Variants in FAM149B1 observed in about 807,000 individuals in gnomAD.
FAM149B1 encodes the protein family with sequence similarity 149 member B1.
In FAM149B1, 56 loss-of-function variants were observed where a neutral mutation model predicts 75.3. The ratio of observed to expected loss-of-function variants is 0.74; its 90% CI spans 0.60 to 0.93. The LOEUF is 0.93. Ranked by LOEUF, FAM149B1 falls within the 40% of genes least tolerant of loss-of-function variation. The pLI, the probability that FAM149B1 is intolerant of heterozygous loss-of-function variation, is 0.00. For missense variants in FAM149B1, 639 were observed against 708.4 expected, an observed-to-expected ratio of 0.90 and a Z score of 1.11; for synonymous variants, 259 against 256.1, an observed-to-expected ratio of 1.01 and a Z score of -0.11.
At chr10:73,170,041 T>C (rs1387244363) in intron 1 of FAM149B1, among the ~76,000 whole-genome samples, 1 of 136,336 alleles carries the variant, frequency 7.3e-6, no homozygotes. Context: ...TTATTAACTA[T>C]TTAATTTATT....
intron 12 of FAM149B1, among the ~76,000 whole-genome samples, chr10:73,238,214 G>A (rs1423765571): frequency 6.6e-6 from 1 of 152,120 alleles, no homozygotes. Context: ...AGGCATGGTG[G>A]TGCATGCCTG....
At chr10:73,226,540 G>A (rs1231932764) in intron 7 of FAM149B1, among the ~76,000 whole-genome samples, 1 of 152,090 alleles carries the variant, frequency 6.6e-6, no homozygotes, top group Non-Finnish European at 1.5e-5. Flanking sequence ...CACACGACCT[G>A]GGTTTGACCA....
intron 2 of FAM149B1, 40 bp downstream of exon 2, chr10:73,174,831 C>A: frequency 7.4e-7 from 1 of 1,359,120 alleles, no homozygotes; most frequent in Non-Finnish European, 1.0e-6. Context: ...ATTGCACTTG[C>A]TCATGGCAGA....
intron 2 of FAM149B1, among the ~76,000 whole-genome samples, chr10:73,177,217 T>C (rs1186906210): frequency 6.6e-6 from 1 of 151,364 alleles, no homozygotes; most frequent in Non-Finnish European, 1.5e-5. Context: ...AAATAAAAAA[T>C]AAAAAGTGCC....
At chr10:73,211,349 C>G (rs1265294625) in intron 7 of FAM149B1, among the ~76,000 whole-genome samples, 1 of 152,198 alleles carries the variant, frequency 6.6e-6, no homozygotes, top group Non-Finnish European at 1.5e-5. Flanking sequence ...ACCCAATCCT[C>G]AGACTATCCA....
rs1019772637 is a variant in FAM149B1, at chr10:73,194,554, G to A, written c.542+961G>A. Among the ~76,000 whole-genome samples the A allele has an allele frequency of 7.2e-5, 11 of 151,778 alleles. 1 individual carries two copies. In the East Asian group the frequency reaches 1.7e-3, roughly 24 times the overall value. Reference sequence around the variant, plus strand: ...ACTGCAGGTGTGTGCCACCATGCCCGGGATTTCACCATACTGGCCAGGCTG... The same window carrying A: ...ACTGCAGGTGTGTGCCACCATGCCCAGGATTTCACCATACTGGCCAGGCTG... On this transcript the variant is annotated intron_variant, in intron 5 of 13. Coordinates refer to ENST00000242505, the MANE Select transcript of FAM149B1 (RefSeq NM_173348.2).
At position 73,176,957 on chromosome 10, in the gene FAM149B1, G is replaced by T. The variant is rs543861205; in HGVS notation, c.153-889G>T. Among the ~76,000 whole-genome samples the T allele has an allele frequency of 7.9e-5, 12 of 152,178 alleles. No homozygotes were observed. In the East Asian group the frequency reaches 2.1e-3, roughly 27 times the overall value. On this transcript the variant is annotated intron_variant, in intron 2 of 13. Transcript: ENST00000242505. The stretch of plus-strand genomic sequence containing the variant: ...CAGGAGAATCACTTGAACCCGAGAG[G>T]AGGAGGTTGCAGTGAGCCGAGATCA...
chr10:73,174,510 A>G (rs1843854502), intron 1 of FAM149B1, among the ~76,000 whole-genome samples, 177 bp from the exon 2 acceptor site: 1 of 152,204 alleles, frequency 6.6e-6, no homozygotes, highest in East Asian at 1.9e-4. Context: ...CTTGAAATCC[A>G]ATGTGTTTTA....
intron 5 of FAM149B1, among the ~76,000 whole-genome samples, chr10:73,205,533 G>C (rs1001715014): frequency 6.6e-5 from 10 of 151,766 alleles, no homozygotes; most frequent in Non-Finnish European, 1.5e-4. Context: ...CCAGTCTCAG[G>C]TATTTTTGTT....
chr10:73,200,518 T>C, intron 5 of FAM149B1: 2 of 673,490 alleles, frequency 3.0e-6, no homozygotes, highest in Non-Finnish European at 5.2e-6. Flanking sequence ...AAACAGAAGA[T>C]ACCTTTTTTC....
At chr10:73,200,275 T>C (rs986063242) in intron 5 of FAM149B1, 3 of 282,964 alleles carry the variant, frequency 1.1e-5, no homozygotes, top group African/African-American at 2.2e-5. Flanking sequence ...GAGGTTGCAG[T>C]GAGCCGAGAT....
At chr10:73,171,405 G>T (rs1843707785) in intron 1 of FAM149B1, among the ~76,000 whole-genome samples, 1 of 152,038 alleles carries the variant, frequency 6.6e-6, no homozygotes, top group Admixed American at 6.5e-5. Flanking sequence ...ATGATAACCT[G>T]CTTTGAAGCC....
chr10:73,174,882 C>A, intron 2 of FAM149B1, 91 bp downstream of exon 2: 1 of 822,572 alleles, frequency 1.2e-6, no homozygotes, highest in Non-Finnish European at 2.0e-6. Context: ...AAGCCTTGTG[C>A]TAATGAAAAC....
At chr10:73,206,468 T>C (rs1212249422) in intron 5 of FAM149B1, among the ~76,000 whole-genome samples, 1 of 152,182 alleles carries the variant, frequency 6.6e-6, no homozygotes, top group Non-Finnish European at 1.5e-5. Context: ...AACCACTTGA[T>C]AGAGATATTT....
At chr10:73,189,244 C>T (rs778279350) in intron 3 of FAM149B1, among the ~76,000 whole-genome samples, 4 of 152,126 alleles carry the variant, frequency 2.6e-5, no homozygotes, top group Non-Finnish European at 5.9e-5. Context: ...CTGACAATAC[C>T]TAGTACTGGA....
At position 73,230,472 on chromosome 10, in the gene FAM149B1, G is replaced by T; in HGVS notation, c.1074G>T (p.Leu358Phe). 6.4e-7 allele frequency: 1 copy of T among 1,550,526 alleles called. No individual in the cohort carries two copies. The highest frequency in any genetic ancestry group is 8.7e-7 in the Non-Finnish European group (1 of 1,145,810). The change falls in exon 9 of 14, where the codon TTG becomes TTT. Residue 358 changes from leucine (L) to phenylalanine (F), a missense_variant. Coordinates refer to ENST00000242505, the MANE Select transcript of FAM149B1 (RefSeq NM_173348.2). The stretch of plus-strand genomic sequence containing the variant: ...ATCAGCCAAATGTGAATGATCTCTT[G>T]GTTCATGGAATGCCTCTACAGCCAA... ...SRHQPNVNDL[L>F]VHGMPLQPRN...
chr10:73,175,166 G>C (rs1400377119), intron 2 of FAM149B1, among the ~76,000 whole-genome samples: 1 of 152,102 alleles, frequency 6.6e-6, no homozygotes, highest in Non-Finnish European at 1.5e-5. Context: ...TTTAAGACCA[G>C]CATGGGCAAC....
At chr10:73,173,376 TC>T (rs1325295618) in intron 1 of FAM149B1, among the ~76,000 whole-genome samples, 30 of 152,324 alleles carry the variant, frequency 2.0e-4, no homozygotes, top group African/African-American at 6.7e-4. Flanking sequence ...TATAGTTCTT[TC>T]TATGCAATTT....
chr10:73,209,449 A>AAAAAC (rs1232617014), intron 6 of FAM149B1, among the ~76,000 whole-genome samples: 1 of 152,200 alleles, frequency 6.6e-6, no homozygotes, highest in Admixed American at 6.5e-5. Flanking sequence ...CTCCATCTCC[A>AAAAAC]AAAACAAAAC....
Sources: allele counts gnomAD v4.1 joint callset (sites outside exome capture counted in the v4.1 genomes callset), GRCh38; gene constraint gnomAD v4.1.1; transcripts MANE v1.5; gene names NCBI Gene and HGNC (gene_info 2026-07-23, HGNC 2026-07-21).